SFI1: variants seen among roughly 807,000 people sequenced by gnomAD.
The protein encoded by SFI1 is SFI1 centrin binding protein.
In SFI1, 195 loss-of-function variants were observed where a neutral mutation model predicts 207.5. The ratio of observed to expected loss-of-function variants is 0.94; its 90% CI spans 0.84 to 1.06. SFI1 has a LOEUF of 1.06. SFI1 is among the 50% of genes least tolerant of loss of function. The probability of loss-of-function intolerance (pLI) is 0.00; values close to 1 mark genes in which losing one functional copy is unlikely to be tolerated. For missense variants in SFI1, 1,634 were observed against 1,588.0 expected (o/e 1.03, Z -0.49); for synonymous variants, 630 against 598.9 (o/e 1.05, Z -0.76).
At chr22:31,577,036 T>C (rs1448510689) in intron 10 of SFI1, among the ~76,000 whole-genome samples, 1 of 152,214 alleles carries the variant, frequency 6.6e-6, no homozygotes, top group African/African-American at 2.4e-5. Context: ...TATTTGTTCA[T>C]CAAAGTCTTG....
intron 15 of SFI1, among the ~76,000 whole-genome samples, chr22:31,593,069 G>A (rs2066354382): frequency 1.4e-5 from 2 of 143,646 alleles, no homozygotes; most frequent in Admixed American, 6.7e-5. Context: ...CGGCACGGCT[G>A]GCCGGGCGGG....
At chr22:31,569,439 CAG>C in intron 8 of SFI1, among the ~76,000 whole-genome samples, 1 of 152,070 alleles carries the variant, frequency 6.6e-6, no homozygotes, top group East Asian at 1.9e-4. Flanking sequence ...ATAGGAAATA[CAG>C]GGGTCAGAGG....
intron 2 of SFI1, among the ~76,000 whole-genome samples, chr22:31,512,887 C>G (rs2055829083): frequency 6.6e-6 from 1 of 152,040 alleles, no homozygotes. Context: ...GGGGTTTCAC[C>G]ATGTTAGCCA....
intron 1 of SFI1, among the ~76,000 whole-genome samples, chr22:31,503,953 A>G (rs1412719966): frequency 6.6e-6 from 1 of 152,086 alleles, no homozygotes; most frequent in Non-Finnish European, 1.5e-5. Context: ...TTATATTCAT[A>G]CATGTCCTTA....
chr22:31,613,552 G>A (rs1382525763), intron 26 of SFI1, 22 bp downstream of exon 26: 2 of 1,580,318 alleles, frequency 1.3e-6, no homozygotes, highest in African/African-American at 1.3e-5. Flanking sequence ...GCCCCTTCCT[G>A]TGGGGAGCAG....
intron 1 of SFI1, chr22:31,497,361 A>G (rs896648294): frequency 8.5e-5 from 13 of 152,184 alleles, no homozygotes; most frequent in African/African-American, 2.9e-4. Context: ...AACTATCGCT[A>G]TATTTCAAAC....
chr22:31,573,718 G>GT lies in SFI1; in HGVS notation c.922+505dup, dbSNP rs538664652. Reference sequence around the variant, plus strand: ...CTCCCAAAGTGCTGGGATTGCAGGCGTGAGCCACTGTTTCCGGCCTCTTCT... The same window carrying GT: ...CTCCCAAAGTGCTGGGATTGCAGGCGTTGAGCCACTGTTTCCGGCCTCTTCT... On this transcript the variant is annotated intron_variant, in intron 9 of 32. Coordinates refer to ENST00000400288, the MANE Select transcript of SFI1 (RefSeq NM_001007467.3). 1.4e-3 allele frequency among the ~76,000 whole-genome samples: 216 copies of GT among 152,284 alleles called. 1 individual carries two copies. The highest frequency in any genetic ancestry group is 4.8e-3 in the African/African-American group (201 of 41,570).
At chr22:31,507,981 C>G (rs1051442746) in intron 1 of SFI1, among the ~76,000 whole-genome samples, 1 of 151,972 alleles carries the variant, frequency 6.6e-6, no homozygotes, top group African/African-American at 2.4e-5. Flanking sequence ...GAGGTTGAGG[C>G]AGGAGAATCG....
Position 31,612,895 on chromosome 22 carries a change from G to A in SFI1, c.2491-247G>A, listed in dbSNP as rs1030328004. On this transcript the variant is annotated intron_variant, in intron 24 of 32. Transcript: ENST00000400288. ...TTCACCATTCCCCGGACCTCAGGCC[G>A]CTGCCTCCACGCATCCCCCTGCAGG... The A allele has an allele frequency of 8.0e-5, 41 of 511,508 alleles. 4 individuals are homozygous for A. The South Asian group carries it at 9.0e-4, about 11-fold the overall frequency. The allele number at this position is 511,508 out of a possible 1,614,324, so 31.7% of individuals were successfully genotyped here.
chr22:31,513,151 A>C (rs2055882458), intron 2 of SFI1, among the ~76,000 whole-genome samples: 1 of 151,642 alleles, frequency 6.6e-6, no homozygotes, highest in Non-Finnish European at 1.5e-5. Flanking sequence ...CTGTCACCTC[A>C]AGTATTTGAC....
rs778282977 is a variant in SFI1, at chr22:31,585,130, A to G, written c.1409A>G (p.Lys470Arg). The G allele has an allele frequency of 3.3e-5, 53 of 1,613,766 alleles. No homozygotes were observed. The highest frequency in any genetic ancestry group is 5.5e-5 in the South Asian group (5 of 91,068). The change falls in exon 14 of 33, where the codon AAG (lysine) becomes AGG (arginine). Residue 470 changes from lysine to arginine, a missense_variant. Physicochemically the swap from Lys to Arg is conservative, Grantham distance 26. Coordinates refer to ENST00000400288, the MANE Select transcript of SFI1 (RefSeq NM_001007467.3). ...CAGTATACTCAGAAGAGGCGGTACAAGCAGGTATGGAGTACTTTTTAGCAG... is the reference window on the plus strand; with the variant it reads ...CAGTATACTCAGAAGAGGCGGTACAGGCAGGTATGGAGTACTTTTTAGCAG... ...WLQYTQKRRY[K>R]QLLQARADGH...
In SFI1 at chr22:31,578,080, T is replaced by C. The variant is rs141582432; in HGVS notation, c.1085-302T>C. 2.4e-3 allele frequency: 511 copies of C among 212,464 alleles called. 3 individuals are homozygous for C. The highest frequency in any genetic ancestry group is 0.011 in the African/African-American group (495 of 43,846). 13.2% of individuals were successfully genotyped at this position (212,464 alleles called of 1,614,324 possible). On this transcript the variant is annotated intron_variant, in intron 10 of 32. Coordinates refer to ENST00000400288, the MANE Select transcript of SFI1 (RefSeq NM_001007467.3). ...ATAGAAAAAGGAGCAGATTCTGCTT[T>C]AGATATGGTGATTTCTAAATGTTTA...
chr22:31,499,058 G>A (rs1347005373), intron 1 of SFI1, among the ~76,000 whole-genome samples: 2 of 151,972 alleles, frequency 1.3e-5, no homozygotes, highest in Non-Finnish European at 2.9e-5. Context: ...TGTCCAGGCT[G>A]GAGTGCAGTG....
intron 1 of SFI1, among the ~76,000 whole-genome samples, chr22:31,504,173 C>CTT (rs1437713782): frequency 2.0e-5 from 3 of 152,054 alleles, no homozygotes. Context: ...AGTCCTTGAC[C>CTT]ATGAAGGACA....
At position 31,547,612 on chromosome 22, in the gene SFI1, GT is replaced by G. The variant is rs200073241; in HGVS notation, c.449+649del. Among the ~76,000 whole-genome samples, 180 of 137,426 alleles carry G rather than the reference GT, an allele frequency of 1.3e-3. 3 individuals carry two copies. In the East Asian group the frequency reaches 0.036, roughly 28 times the overall value. 90.2% of individuals were successfully genotyped at this position (137,426 alleles called of 152,430 possible). On this transcript the variant is annotated intron_variant, in intron 5 of 32. Transcript: ENST00000400288. The stretch of plus-strand genomic sequence containing the variant: ...AGGCATGAGTCACCGCGCCAGGCCT[GT>G]TTTTTTTGTTTTTTTTTGTTTTTGA...
At chr22:31,609,692 A>G (rs143244109) in intron 22 of SFI1, among the ~76,000 whole-genome samples, 45 of 152,320 alleles carry the variant, frequency 3.0e-4, no homozygotes, top group Middle Eastern at 3.4e-3. Context: ...ACACGGCTGC[A>G]TTACTGCGCC....
Position 31,578,143 on chromosome 22 carries a change from G to T in SFI1, c.1085-239G>T, listed in dbSNP as rs988441098. On this transcript the variant is annotated intron_variant, in intron 10 of 32. Coordinates refer to ENST00000400288, the MANE Select transcript of SFI1 (RefSeq NM_001007467.3). ...GCAGTTTATCTCAGGTATTTTTTGC[G>T]TCTCATCTCATGGGCATTCAAGGGG... The T allele has an allele frequency of 1.5e-5, 5 of 328,210 alleles. No homozygotes were observed. In the East Asian group the frequency reaches 2.4e-4, roughly 16 times the overall value. The allele number at this position is 328,210 out of a possible 1,614,324, so 20.3% of individuals were successfully genotyped here. A position where few individuals can be genotyped will look rare whatever the true frequency, so the allele number is the denominator to read the frequency against.
At chr22:31,598,675 C>T (rs2067556705) in intron 15 of SFI1, among the ~76,000 whole-genome samples, 1 of 125,482 alleles carries the variant, frequency 8.0e-6, no homozygotes, top group Admixed American at 9.3e-5. Context: ...CCTCGGCCTC[C>T]CAGAGTGCTG....
chr22:31,555,902 T>C (rs1399588835), intron 6 of SFI1, among the ~76,000 whole-genome samples: 1 of 152,236 alleles, frequency 6.6e-6, no homozygotes, highest in Non-Finnish European at 1.5e-5. Context: ...TATATAGTTA[T>C]AGTCCTGTCG....
Sources: gnomAD v4.1 joint callset for allele counts (sites outside exome capture counted in the v4.1 genomes callset) on GRCh38, gnomAD v4.1.1 for gene constraint, MANE v1.5 for transcripts, NCBI Gene and HGNC (gene_info 2026-07-23, HGNC 2026-07-21) for gene names.